Variants in ARHGAP10 observed in about 807,000 individuals in gnomAD.
The protein encoded by ARHGAP10 is rho GTPase-activating protein 10.
A neutral mutation model predicts 108.6 loss-of-function variants in ARHGAP10; 87 were observed. The ratio of observed to expected loss-of-function variants is 0.80; its 90% CI spans 0.67 to 0.96. The LOEUF (loss-of-function observed/expected upper bound fraction) is 0.96. Ranked by LOEUF, ARHGAP10 falls within the 40% of genes least tolerant of loss-of-function variation. ARHGAP10 has a pLI of 0.00. For synonymous variants in ARHGAP10, 347 were observed against 341.1 expected (o/e 1.02, Z -0.19); for missense variants, 939 against 954.5 (o/e 0.98, Z 0.21).
chr4:147,869,352 G>A (rs571334964), intron 7 of ARHGAP10, among the ~76,000 whole-genome samples: 31 of 152,126 alleles, frequency 2.0e-4, no homozygotes, highest in South Asian at 6.2e-4. Context: ...CACCTGTTGG[G>A]GGGGCGTCTG....
chr4:147,883,528 C>T (rs1735420699), intron 10 of ARHGAP10, among the ~76,000 whole-genome samples: 1 of 152,176 alleles, frequency 6.6e-6, no homozygotes, highest in Admixed American at 6.5e-5. Context: ...TAATTCCTTG[C>T]CATAGCTCTC....
Position 147,759,580 on chromosome 4 carries a change from G to GC in ARHGAP10, c.154+27137dup, listed in dbSNP as rs34854334. ...TGCCTGGGTAGCATAGTGATACACC[G>GC]CCCCCCCCCCCCTTTAAAAAGGAAA... On this transcript the variant is annotated intron_variant, in intron 1 of 22. Coordinates refer to ENST00000336498, the MANE Select transcript of ARHGAP10 (RefSeq NM_024605.4). 8.6e-3 allele frequency among the ~76,000 whole-genome samples: 1,196 copies of GC among 139,412 alleles called. 12 individuals carry two copies. Among genetic ancestry groups the GC allele is most frequent in the African/African-American group, 0.024 (890 of 36,762 alleles). 91.5% of individuals were successfully genotyped at this position (139,412 alleles called of 152,430 possible).
At chr4:147,906,577 T>C in intron 10 of ARHGAP10, 61 bp from the exon 11 acceptor site, 2 of 1,551,798 alleles carry the variant, frequency 1.3e-6, no homozygotes, top group Non-Finnish European at 1.8e-6. Flanking sequence ...AGTTAAATCT[T>C]AGGAAAAACT....
Position 147,822,559 on chromosome 4 carries a change from G to A in ARHGAP10, c.155-168G>A, listed in dbSNP as rs577539752. The stretch of plus-strand genomic sequence containing the variant: ...CTAGAAGTCAGAGGCTACCCAGAGC[G>A]TGCCAGGTTGAAGATGGCGGGCCAT... On this transcript the variant is annotated intron_variant, in intron 1 of 22. Coordinates refer to ENST00000336498, the MANE Select transcript of ARHGAP10 (RefSeq NM_024605.4). Among the ~76,000 whole-genome samples the A allele has an allele frequency of 2.9e-4, 44 of 152,356 alleles. No individual in the cohort carries two copies. The South Asian group carries it at 5.6e-3, about 19-fold the overall frequency.
intron 19 of ARHGAP10, among the ~76,000 whole-genome samples, chr4:148,036,674 G>A (rs1172182426): frequency 6.6e-6 from 1 of 152,144 alleles, no homozygotes; most frequent in Non-Finnish European, 1.5e-5. Context: ...CCAGTCTCAG[G>A]TATGTCTTTA....
At chr4:147,735,521 T>C (rs1237859036) in intron 1 of ARHGAP10, among the ~76,000 whole-genome samples, 1 of 152,084 alleles carries the variant, frequency 6.6e-6, no homozygotes, top group East Asian at 1.9e-4. Flanking sequence ...TTTCAGGGAG[T>C]AGTAGACTGG....
chr4:147,764,982 A>G (rs927973287), intron 1 of ARHGAP10, among the ~76,000 whole-genome samples: 4 of 152,212 alleles, frequency 2.6e-5, no homozygotes, highest in Admixed American at 2.6e-4. Context: ...CTGCTTTTCC[A>G]CAAAAATGCC....
At chr4:147,850,682 C>A (rs906070503) in intron 4 of ARHGAP10, among the ~76,000 whole-genome samples, 1 of 152,144 alleles carries the variant, frequency 6.6e-6, no homozygotes, top group African/African-American at 2.4e-5. Flanking sequence ...TGCGAGGGTC[C>A]GCGGCTTCGT....
intron 1 of ARHGAP10, among the ~76,000 whole-genome samples, chr4:147,743,002 T>A (rs1407972453): frequency 6.6e-6 from 1 of 151,806 alleles, no homozygotes; most frequent in Non-Finnish European, 1.5e-5. Context: ...TCGGGCAGAT[T>A]CTCTGCCATA....
chr4:147,877,819 C>CTTTTTTTTTTTTTT (rs549355620), intron 8 of ARHGAP10, among the ~76,000 whole-genome samples: 34 of 131,450 alleles, frequency 2.6e-4, no homozygotes, highest in East Asian at 6.6e-4. Context: ...ATTCTTCATA[C>CTTTTTTTTTTTTTT]TTTTTTTTTT....
chr4:147,877,106 A>G (rs1165103026), intron 8 of ARHGAP10, among the ~76,000 whole-genome samples: 5 of 152,070 alleles, frequency 3.3e-5, no homozygotes, highest in Non-Finnish European at 5.9e-5. Context: ...TAGTGGAAAG[A>G]CCTTGATATT....
At chr4:147,829,475 C>T (rs1333420571) in intron 3 of ARHGAP10, among the ~76,000 whole-genome samples, 2 of 152,166 alleles carry the variant, frequency 1.3e-5, no homozygotes, top group Non-Finnish European at 2.9e-5. Flanking sequence ...AGATGTGAGC[C>T]ACCGCGCCCG....
intron 18 of ARHGAP10, among the ~76,000 whole-genome samples, chr4:148,020,947 C>A: frequency 6.6e-6 from 1 of 152,114 alleles, no homozygotes; most frequent in East Asian, 1.9e-4. Flanking sequence ...TTTTGTTCAT[C>A]CAAGATAAGT....
At chr4:147,911,176 A>G (rs1027115342) in intron 12 of ARHGAP10, among the ~76,000 whole-genome samples, 1 of 134,524 alleles carries the variant, frequency 7.4e-6, no homozygotes, top group Non-Finnish European at 1.7e-5. Context: ...AGCTTTGTGA[A>G]TAGTGAATTC....
intron 10 of ARHGAP10, among the ~76,000 whole-genome samples, chr4:147,896,692 C>A (rs1052904797): frequency 1.3e-5 from 2 of 151,484 alleles, no homozygotes; most frequent in African/African-American, 4.9e-5. Flanking sequence ...TCTTTTCATT[C>A]CCTAAGTTAG....
At chr4:147,978,120 A>G (rs1739668381) in intron 18 of ARHGAP10, among the ~76,000 whole-genome samples, 2 of 152,320 alleles carry the variant, frequency 1.3e-5, no homozygotes, top group South Asian at 2.1e-4. Flanking sequence ...TGCTGCGATT[A>G]ACATACAAGT....
At chr4:147,784,967 A>C (rs1038265859) in intron 1 of ARHGAP10, among the ~76,000 whole-genome samples, 1 of 135,064 alleles carries the variant, frequency 7.4e-6, no homozygotes, top group Non-Finnish European at 1.5e-5. Flanking sequence ...ATATATTATG[A>C]AATATGTTAT....
At chr4:147,775,517 G>A (rs1053077253) in intron 1 of ARHGAP10, among the ~76,000 whole-genome samples, 21 of 152,168 alleles carry the variant, frequency 1.4e-4, no homozygotes, top group African/African-American at 4.8e-4. Context: ...TCTCACATAT[G>A]CAGAATAAGC....
intron 3 of ARHGAP10, among the ~76,000 whole-genome samples, chr4:147,833,690 A>G (rs1284033098): frequency 3.9e-5 from 6 of 152,220 alleles, no homozygotes; most frequent in Non-Finnish European, 7.3e-5. Context: ...AGCTTTTTCA[A>G]TGTATATAAA....
Sources: gnomAD v4.1 joint callset for allele counts (sites outside exome capture counted in the v4.1 genomes callset) on GRCh38, gnomAD v4.1.1 for gene constraint, MANE v1.5 for transcripts, NCBI Gene and HGNC (gene_info 2026-07-23, HGNC 2026-07-21) for gene names.